DOK5: variants seen among roughly 807,000 people sequenced by gnomAD.
DOK5 encodes the protein docking protein 5.
In DOK5, 27 loss-of-function variants were observed where a neutral mutation model predicts 43.3. The ratio of observed to expected loss-of-function variants is 0.62; its 90% CI spans 0.46 to 0.86. The LOEUF (loss-of-function observed/expected upper bound fraction) is 0.86. Ranked by LOEUF, DOK5 falls within the 40% of genes least tolerant of loss-of-function variation. The pLI is 0.00. For missense variants in DOK5, 373 were observed against 392.9 expected (o/e 0.95, Z 0.43); for synonymous variants, 146 against 140.1 (o/e 1.04, Z -0.30).
chr20:54,617,582 C>G (rs1986854458), intron 6 of DOK5, among the ~76,000 whole-genome samples: 3 of 152,162 alleles, frequency 2.0e-5, no homozygotes, highest in African/African-American at 4.8e-5. Flanking sequence ...TCCTCCGCCT[C>G]TCAAAGTGCT....
chr20:54,642,012 C>T (rs1568825705), intron 6 of DOK5, among the ~76,000 whole-genome samples: 1 of 152,152 alleles, frequency 6.6e-6, no homozygotes, highest in Non-Finnish European at 1.5e-5. Context: ...ACTTCTTACA[C>T]AATGGCATAA....
chr20:54,508,583 T>A (rs1353263413), intron 1 of DOK5, among the ~76,000 whole-genome samples: 1 of 151,936 alleles, frequency 6.6e-6, no homozygotes, highest in Non-Finnish European at 1.5e-5. Flanking sequence ...TATATTTATT[T>A]ATTTATTTAT....
intron 6 of DOK5, among the ~76,000 whole-genome samples, chr20:54,637,368 AG>A (rs763397605): frequency 3.9e-5 from 6 of 152,248 alleles, no homozygotes; most frequent in Non-Finnish European, 8.8e-5. Flanking sequence ...AAGTACAAGA[AG>A]GCATTTGTTT....
intron 2 of DOK5, among the ~76,000 whole-genome samples, chr20:54,556,164 T>A (rs1984702144): frequency 6.6e-6 from 1 of 151,654 alleles, no homozygotes; most frequent in Admixed American, 6.6e-5. Context: ...GAGAAGGGAG[T>A]CAAGGGTGGC....
At chr20:54,591,483 G>C (rs77291105) in intron 4 of DOK5, 133 bp from the exon 5 acceptor site, 10 of 632,076 alleles carry the variant, frequency 1.6e-5, no homozygotes, top group Non-Finnish European at 2.6e-5. Flanking sequence ...AATAGGAAAG[G>C]TTTATCTTTC....
At chr20:54,578,247 T>G (rs13041315) in intron 2 of DOK5, among the ~76,000 whole-genome samples, 28,735 of 152,098 alleles carry the variant, frequency 0.19, 2,951 homozygotes, top group African/African-American at 0.23. Flanking sequence ...AAATATAGAA[T>G]TAAGCTGGGA....
intron 6 of DOK5, among the ~76,000 whole-genome samples, chr20:54,633,691 G>A (rs2146819327): frequency 6.6e-6 from 1 of 152,270 alleles, no homozygotes; most frequent in Middle Eastern, 3.4e-3. Flanking sequence ...ATGCAGAGTT[G>A]TTATTGGCAA....
chr20:54,573,699 A>G (rs987773360), intron 2 of DOK5, among the ~76,000 whole-genome samples: 12 of 151,676 alleles, frequency 7.9e-5, no homozygotes, highest in African/African-American at 2.4e-4. Context: ...AAAAAAAAAA[A>G]AAAAAAAAAA....
intron 1 of DOK5, among the ~76,000 whole-genome samples, chr20:54,480,951 CATCT>C (rs1555822326): frequency 1.8e-4 from 20 of 113,872 alleles, no homozygotes; most frequent in South Asian, 4.5e-4. Context: ...ATCTATCTAT[CATCT>C]ATCTATCATC....
chr20:54,619,402 A>G (rs1162721311), intron 6 of DOK5, among the ~76,000 whole-genome samples: 1 of 152,136 alleles, frequency 6.6e-6, no homozygotes, highest in African/African-American at 2.4e-5. Context: ...ATCAGTGTCT[A>G]TGACAAAGTC....
intron 5 of DOK5, among the ~76,000 whole-genome samples, chr20:54,600,146 G>T (rs1012230665): frequency 6.6e-6 from 1 of 152,172 alleles, no homozygotes; most frequent in Non-Finnish European, 1.5e-5. Flanking sequence ...TGAAGAGGAA[G>T]TATTCAAAGA....
intron 1 of DOK5, among the ~76,000 whole-genome samples, chr20:54,480,936 C>CT (rs1373687731): frequency 0.02 from 2,483 of 123,194 alleles, 98 homozygotes; most frequent in African/African-American, 0.061. Context: ...AATCATCTAT[C>CT]ATCTATCTAT....
chr20:54,528,761 T>C (rs1268721320), intron 1 of DOK5, among the ~76,000 whole-genome samples: 7 of 152,210 alleles, frequency 4.6e-5, no homozygotes, highest in Non-Finnish European at 5.9e-5. Flanking sequence ...TGGCTTCCTT[T>C]GGTCACTAGA....
intron 6 of DOK5, among the ~76,000 whole-genome samples, chr20:54,618,206 A>G (rs1986873257): frequency 6.6e-6 from 1 of 152,196 alleles, no homozygotes. Flanking sequence ...TACGTAGCTC[A>G]TTACTACTGG....
intron 1 of DOK5, among the ~76,000 whole-genome samples, chr20:54,484,117 G>A (rs187907089): frequency 1.1e-3 from 164 of 152,264 alleles, no homozygotes; most frequent in African/African-American, 3.7e-3. Context: ...GGTGGCTCAC[G>A]TCTGTAATCC....
At chr20:54,556,257 C>T (rs1984704893) in intron 2 of DOK5, among the ~76,000 whole-genome samples, 1 of 152,206 alleles carries the variant, frequency 6.6e-6, no homozygotes, top group African/African-American at 2.4e-5. Flanking sequence ...CCTTTCTTCT[C>T]TCCAATGGAG....
At position 54,650,619 on chromosome 20, in the gene DOK5, ACT is replaced by A. The variant is rs1979652389; in HGVS notation, c.*143_*144del. On this transcript the variant is annotated 3_prime_UTR_variant, in exon 8 of 8. Coordinates refer to ENST00000262593, the MANE Select transcript of DOK5 (RefSeq NM_018431.5). ...TGGCTAATTGTGTGGTCATTGGAAA[ACT>A]CTGCAATACAATAATTTTCTTTATT... The A allele has an allele frequency of 3.2e-6, 2 of 620,612 alleles. No individual in the cohort carries two copies. The highest frequency in any genetic ancestry group is 2.7e-6 in the Non-Finnish European group (1 of 372,048). 38.4% of individuals were successfully genotyped at this position (620,612 alleles called of 1,614,324 possible). A position where few individuals can be genotyped will look rare whatever the true frequency, so the allele number is the denominator to read the frequency against.
chr20:54,622,431 C>T lies in DOK5; in HGVS notation c.735+11908C>T, dbSNP rs6023421. Among the ~76,000 whole-genome samples, 27 of 152,206 alleles carry T rather than the reference C, an allele frequency of 1.8e-4. 1 individual carries two copies. Among genetic ancestry groups the T allele is most frequent in the African/African-American group, 6.5e-4 (27 of 41,542 alleles). ...CTTATAACAACGTAATAACTTGCAA[C>T]GTGCAGGGGTGTGTTTTAATAGTGC... On this transcript the variant is annotated intron_variant, in intron 6 of 7. Coordinates refer to ENST00000262593, the MANE Select transcript of DOK5 (RefSeq NM_018431.5).
chr20:54,522,616 T>G (rs1331112246), intron 1 of DOK5, among the ~76,000 whole-genome samples: 1 of 150,128 alleles, frequency 6.7e-6, no homozygotes, highest in Non-Finnish European at 1.5e-5. Context: ...GTCTCCCGGG[T>G]TCAAGCAACT....
Sources: gnomAD v4.1 joint callset for allele counts (sites outside exome capture counted in the v4.1 genomes callset) on GRCh38, gnomAD v4.1.1 for gene constraint, MANE v1.5 for transcripts, NCBI Gene and HGNC (gene_info 2026-07-23, HGNC 2026-07-21) for gene names.